The following SEC63 variants were observed in gnomAD, a reference collection of about 807,000 sequenced individuals.
The protein encoded by SEC63 is translocation protein SEC63 homolog.
In SEC63, 56 loss-of-function variants were observed where a neutral mutation model predicts 116.2. The observed-to-expected ratio is 0.48, with a 90% CI of 0.39 to 0.60. The LOEUF (loss-of-function observed/expected upper bound fraction) is 0.60, where lower values mean the gene tolerates loss of function less well. Among genes scored for constraint, SEC63 ranks in the 20% least tolerant of loss-of-function variants. The pLI is 0.00. For missense variants in SEC63, 668 were observed against 900.0 expected (o/e 0.74, Z 3.30); for synonymous variants, 273 against 294.6 (o/e 0.93, Z 0.75).
chr6:107,906,098 T>A (rs1277210956), intron 10 of SEC63, among the ~76,000 whole-genome samples: 1 of 152,106 alleles, frequency 6.6e-6, no homozygotes, highest in East Asian at 1.9e-4. Flanking sequence ...CTCCCTTTGG[T>A]GCTGTTCTCG....
At chr6:107,880,395 G>C (rs1786384530) in intron 18 of SEC63, among the ~76,000 whole-genome samples, 1 of 152,214 alleles carries the variant, frequency 6.6e-6, no homozygotes, top group African/African-American at 2.4e-5. Flanking sequence ...CGAACTGGGG[G>C]AACCAGTTCT....
intron 4 of SEC63, among the ~76,000 whole-genome samples, chr6:107,921,176 CAA>C (rs1787547324): frequency 6.6e-6 from 1 of 151,346 alleles, no homozygotes; most frequent in Non-Finnish European, 1.5e-5. Context: ...ATTGCCAAAA[CAA>C]GAGAAACAGA....
chr6:107,908,966 T>TATAA lies in SEC63; in HGVS notation c.690_693dup (p.Thr232LeufsTer7). On this transcript the variant is annotated frameshift_variant, in exon 8 of 21. Coordinates refer to ENST00000369002, the MANE Select transcript of SEC63 (RefSeq NM_007214.5). LOFTEE classifies it high-confidence loss of function. ...TTTCGGGTTTTATAAACAAAGTATG[T>TATAA]ATAAATCTGTGTTGTGCGTATTAGA... 6.2e-7 allele frequency: 1 copy of TATAA among 1,612,610 alleles called. No individual in the cohort carries two copies. Among genetic ancestry groups the TATAA allele is most frequent in the Non-Finnish European group, 8.5e-7 (1 of 1,178,804 alleles).
At chr6:107,957,662 G>A (rs902305042) in intron 1 of SEC63, 7 of 355,218 alleles carry the variant, frequency 2.0e-5, no homozygotes, top group East Asian at 9.5e-5. Context: ...TGGAGAAGAT[G>A]GAGCGAGCGA....
At chr6:107,903,356 T>C (rs1787053590) in intron 11 of SEC63, among the ~76,000 whole-genome samples, 1 of 151,994 alleles carries the variant, frequency 6.6e-6, no homozygotes, top group African/African-American at 2.4e-5. Context: ...TTCCTTTCCA[T>C]TACTGACCAG....
chr6:107,900,143 A>T (rs992952981), intron 13 of SEC63, among the ~76,000 whole-genome samples: 1 of 152,042 alleles, frequency 6.6e-6, no homozygotes, highest in Non-Finnish European at 1.5e-5. Flanking sequence ...CACTTAGCAT[A>T]TGTTATCTTG....
intron 1 of SEC63, among the ~76,000 whole-genome samples, chr6:107,939,633 A>T (rs1276437509): frequency 6.6e-6 from 1 of 152,098 alleles, no homozygotes; most frequent in Non-Finnish European, 1.5e-5. Context: ...AGCACCTGTT[A>T]CTGGGGATGC....
rs184672639 is a variant in SEC63, at chr6:107,875,847, C to G, written c.2034+717G>C. On this transcript the variant is annotated intron_variant, in intron 19 of 20. Coordinates refer to ENST00000369002, the MANE Select transcript of SEC63 (RefSeq NM_007214.5). ...ATTCTTTCTATAGAGAAATAAATATCTAGCAATATAGACCAAAATTACAAA... is the reference window on the plus strand; with the variant it reads ...ATTCTTTCTATAGAGAAATAAATATGTAGCAATATAGACCAAAATTACAAA... 4.4e-3 allele frequency among the ~76,000 whole-genome samples: 671 copies of G among 152,238 alleles called. 4 individuals carry two copies. Among genetic ancestry groups the G allele is most frequent in the Middle Eastern group, 6.8e-3 (2 of 294 alleles).
intron 16 of SEC63, among the ~76,000 whole-genome samples, chr6:107,886,308 C>T (rs558821470): frequency 1.4e-4 from 21 of 152,104 alleles, no homozygotes; most frequent in African/African-American, 1.9e-4. Flanking sequence ...TGAACAGTGC[C>T]GCAATAAACA....
At chr6:107,918,226 C>T (rs572933936) in intron 4 of SEC63, among the ~76,000 whole-genome samples, 19 of 138,394 alleles carry the variant, frequency 1.4e-4, no homozygotes, top group Admixed American at 4.6e-4. Flanking sequence ...ATATTTTAGG[C>T]CCACTGTTGA....
chr6:107,923,990 C>A (rs1212299888), intron 3 of SEC63, among the ~76,000 whole-genome samples: 1 of 152,166 alleles, frequency 6.6e-6, no homozygotes, highest in Non-Finnish European at 1.5e-5. Flanking sequence ...TTAGGCTGGG[C>A]ACGGTGGCTC....
rs549301679 is a variant in SEC63 at position 107,947,169 on chromosome 6, G to A, written c.124+10717C>T. 1.1e-4 allele frequency among the ~76,000 whole-genome samples: 17 copies of A among 151,972 alleles called. 1 individual carries two copies. The highest frequency in any genetic ancestry group is 3.1e-4 in the African/African-American group (13 of 41,414). ...ATAAAAACTAGCTGGGTATGATGGC[G>A]CACCTGTAGTCCCAGCTACTTGGAG... On this transcript the variant is annotated intron_variant, in intron 1 of 20. Coordinates refer to ENST00000369002, the MANE Select transcript of SEC63 (RefSeq NM_007214.5).
chr6:107,874,728 T>C (rs1442559987), intron 19 of SEC63, among the ~76,000 whole-genome samples: 1 of 152,062 alleles, frequency 6.6e-6, no homozygotes, highest in Non-Finnish European at 1.5e-5. Context: ...CAGGCTGAAG[T>C]ACAGGGGCAT....
At chr6:107,915,633 A>AT (rs967530179) in intron 4 of SEC63, among the ~76,000 whole-genome samples, 16 of 152,028 alleles carry the variant, frequency 1.1e-4, no homozygotes, top group African/African-American at 3.9e-4. Context: ...TGAAAATCTG[A>AT]TTAAAAAAAA....
chr6:107,933,029 A>G (rs2092283), intron 1 of SEC63, among the ~76,000 whole-genome samples: 148,666 of 152,190 alleles, frequency 0.98, 72,652 homozygotes, highest in African/African-American at 0.99. Flanking sequence ...TTGAAATAGG[A>G]AGATTATCAT....
intron 1 of SEC63, among the ~76,000 whole-genome samples, chr6:107,952,629 G>T (rs1349960451): frequency 6.6e-6 from 1 of 151,408 alleles, no homozygotes; most frequent in Non-Finnish European, 1.5e-5. Flanking sequence ...GTAGTGGCAG[G>T]CACCTGTAAT....
At chr6:107,948,285 C>T (rs1458435924) in intron 1 of SEC63, among the ~76,000 whole-genome samples, 3 of 152,208 alleles carry the variant, frequency 2.0e-5, no homozygotes, top group Non-Finnish European at 4.4e-5. Flanking sequence ...ACAAGAGATG[C>T]TCTGGCATAA....
chr6:107,876,393 T>A (rs1379900885), intron 19 of SEC63, among the ~76,000 whole-genome samples, 171 bp downstream of exon 19: 1 of 152,118 alleles, frequency 6.6e-6, no homozygotes, highest in Non-Finnish European at 1.5e-5. Context: ...CAATTATTTA[T>A]AAATTTCCAA....
chr6:107,937,492 T>G (rs181205522), intron 1 of SEC63, among the ~76,000 whole-genome samples: 301 of 152,316 alleles, frequency 2.0e-3, no homozygotes, highest in Non-Finnish European at 3.6e-3. Flanking sequence ...TTTGCTATTG[T>G]GAGCAGTGCT....
Sources: allele counts gnomAD v4.1 joint callset (sites outside exome capture counted in the v4.1 genomes callset), GRCh38; gene constraint gnomAD v4.1.1; transcripts MANE v1.5; gene names NCBI Gene and HGNC (gene_info 2026-07-23, HGNC 2026-07-21).